The following ANKRD52 variants were observed in gnomAD, a reference collection of about 807,000 sequenced individuals.
ANKRD52 encodes ankyrin repeat domain 52, also known as serine/threonine-protein phosphatase 6 regulatory ankyrin repeat subunit C.
Under a neutral mutation model 116.0 loss-of-function variants are expected in ANKRD52, and 7 were observed. That is an observed-to-expected ratio of 0.06 (90% CI 0.03 to 0.11). ANKRD52 has a LOEUF of 0.11. Ranked by LOEUF, ANKRD52 falls within the 10% of genes least tolerant of loss-of-function variation. The probability of loss-of-function intolerance (pLI) is 1.00; values close to 1 mark genes in which losing one functional copy is unlikely to be tolerated. For missense variants in ANKRD52, 839 were observed against 1,408.6 expected, an observed-to-expected ratio of 0.60 and a Z score of 6.47; for synonymous variants, 528 against 578.1, an observed-to-expected ratio of 0.91 and a Z score of 1.24.
intron 1 of ANKRD52, 145 bp from the exon 2 acceptor site, chr12:56,258,056 G>T: frequency 1.5e-6 from 2 of 1,316,850 alleles, no homozygotes; most frequent in Non-Finnish European, 1.1e-6. Flanking sequence ...GCGAGCTCCC[G>T]CGGTGCCTCC....
In ANKRD52 at chr12:56,258,349, C is replaced by G. The variant is rs1592397605; in HGVS notation, c.-80G>C. 5 of 1,377,048 alleles carry G rather than the reference C, an allele frequency of 3.6e-6. No homozygotes were observed. The East Asian group carries it at 1.2e-4, about 34-fold the overall frequency. The allele number at this position is 1,377,048 out of a possible 1,614,324, so 85.3% of individuals were successfully genotyped here. A position where few individuals can be genotyped will look rare whatever the true frequency, so the allele number is the denominator to read the frequency against. On this transcript the variant is annotated 5_prime_UTR_variant, in exon 1 of 28. Coordinates refer to ENST00000267116, the MANE Select transcript of ANKRD52 (RefSeq NM_173595.4). ...CACCGGGGACACGGAGCGGCCCAGG[C>G]GGCGGCTGCGGTGGCGGCTGCAGGG...
chr12:56,245,706 G>GTAT, intron 20 of ANKRD52, 110 bp from the exon 21 acceptor site: 2 of 532,466 alleles, frequency 3.8e-6, no homozygotes, highest in Non-Finnish European at 6.1e-6. Flanking sequence ...TCCAATCCTT[G>GTAT]TCTTTTTTTT....
intron 20 of ANKRD52, 110 bp from the exon 21 acceptor site, chr12:56,245,706 GTCT>G (rs1871366053): frequency 2.4e-5 from 13 of 532,432 alleles, no homozygotes; most frequent in East Asian, 3.9e-5. Flanking sequence ...TCCAATCCTT[GTCT>G]TTTTTTTTTT....
In ANKRD52 at chr12:56,248,552, G is replaced by T; in HGVS notation, c.1719C>A (p.Ser573=). 1 of 1,593,522 alleles carries T rather than the reference G, an allele frequency of 6.3e-7. No homozygotes were observed. The highest frequency in any genetic ancestry group is 2.3e-5 in the East Asian group (1 of 44,082). ...RQNLELLLEM[S]FNCLEDVEST... is the part of the protein sequence containing the mutation. ...TCTCCACATCCTCCAGGCAGTTAAAGGACATTTCTAAGAGCTGCAAAGGAC... is the reference window on the plus strand; with the variant it reads ...TCTCCACATCCTCCAGGCAGTTAAATGACATTTCTAAGAGCTGCAAAGGAC... The change falls in exon 17 of 28, where the codon TCC becomes TCA. Residue 573 remains serine (S), a synonymous_variant. Coordinates refer to ENST00000267116, the MANE Select transcript of ANKRD52 (RefSeq NM_173595.4). This position sits in a 1 kb window ranked among gnomAD's most constrained non-coding sequence, Gnocchi z 5.1.
intron 15 of ANKRD52, among the ~76,000 whole-genome samples, chr12:56,249,114 C>A (rs1871563614): frequency 6.6e-6 from 1 of 152,238 alleles, no homozygotes; most frequent in African/African-American, 2.4e-5. Flanking sequence ...TCTGAATGCT[C>A]TCCTAGAGAA....
rs766955756 is a variant in ANKRD52 at position 56,253,694 on chromosome 12, G to A, written c.985+28C>T. On this transcript the variant is annotated intron_variant, in intron 9 of 27. Coordinates refer to ENST00000267116, the MANE Select transcript of ANKRD52 (RefSeq NM_173595.4). The surrounding 1 kb of genome is among the most constrained non-coding windows in gnomAD (Gnocchi z 5.5). ...TGAGTTCCTTGGGGGAGGAGGGGAT[G>A]AGAGCACAAAGTCTCCCAGGTCCAT... 2.5e-6 allele frequency: 4 copies of A among 1,606,686 alleles called. No homozygotes were observed. Among genetic ancestry groups the A allele is most frequent in the South Asian group, 2.2e-5 (2 of 90,690 alleles).
At position 56,255,062 on chromosome 12, in the gene ANKRD52, TC is replaced by T; in HGVS notation, c.463-111del. 9.1e-7 allele frequency: 1 copy of T among 1,104,658 alleles called. No individual in the cohort carries two copies. Among genetic ancestry groups the T allele is most frequent in the Non-Finnish European group, 1.3e-6 (1 of 751,732 alleles). 68.4% of individuals were successfully genotyped at this position (1,104,658 alleles called of 1,614,324 possible). A position where few individuals can be genotyped will look rare whatever the true frequency, so the allele number is the denominator to read the frequency against. On this transcript the variant is annotated intron_variant, in intron 5 of 27. Coordinates refer to ENST00000267116, the MANE Select transcript of ANKRD52 (RefSeq NM_173595.4). This position sits in a 1 kb window ranked among gnomAD's most constrained non-coding sequence, Gnocchi z 4.3. ...AGGCTGAGGCAGCCTAATGCCTTTT[TC>T]CATGAGCAAAACAACCTGGAGGACT...
chr12:56,245,624 G>A, intron 20 of ANKRD52, 28 bp from the exon 21 acceptor site: 1 of 1,591,722 alleles, frequency 6.3e-7, no homozygotes, highest in Non-Finnish European at 8.5e-7. Flanking sequence ...GTGTGAGGGG[G>A]ATGAAAAGCT....
chr12:56,249,969 G>A (rs981954405), intron 15 of ANKRD52, among the ~76,000 whole-genome samples: 7 of 152,090 alleles, frequency 4.6e-5, no homozygotes, highest in Non-Finnish European at 1.0e-4. Flanking sequence ...CCCAGGAGGT[G>A]GAGGTTGCAG....
rs1871246297 is a variant in ANKRD52, at chr12:56,243,247, G to A, written c.3126C>T (p.Ala1042=). Residue 1042 remains alanine (A), a synonymous_variant, in exon 28 of 28, where the codon GCC becomes GCT. Coordinates refer to ENST00000267116, the MANE Select transcript of ANKRD52 (RefSeq NM_173595.4). The surrounding 1 kb of genome is among the most constrained non-coding windows in gnomAD (Gnocchi z 4.6). ...CGCCGCAGCCACCCACCGTCTTGGC[G>A]GCTGCAATGCTGCAGTTCTTGAGCA... The part of the protein sequence containing the change: ...FSLLKNCSIA[A]AKTVGGCGAL... 8 of 1,613,876 alleles carry A rather than the reference G, an allele frequency of 5.0e-6. No individual in the cohort carries two copies. The highest frequency in any genetic ancestry group is 1.7e-4 in the Middle Eastern group (1 of 6,060).
chr12:56,249,132 C>T (rs756776861), intron 15 of ANKRD52, among the ~76,000 whole-genome samples: 5 of 152,216 alleles, frequency 3.3e-5, no homozygotes, highest in Non-Finnish European at 5.9e-5. Context: ...GAACCTAGAG[C>T]ATGATGTTCA....
At chr12:56,247,967 T>G in intron 18 of ANKRD52, 56 bp downstream of exon 18, 1 of 1,519,150 alleles carries the variant, frequency 6.6e-7, no homozygotes, top group South Asian at 1.2e-5. Context: ...CCCATTCCCA[T>G]CCAGGAGGGA....
intron 2 of ANKRD52, 111 bp from the exon 3 acceptor site, chr12:56,257,472 T>G (rs1169576276): frequency 1.0e-5 from 10 of 1,003,184 alleles, no homozygotes; most frequent in Non-Finnish European, 1.5e-5. Flanking sequence ...CTTCCCATAG[T>G]TTCTGCAGCG....
At position 56,244,596 on chromosome 12, in the gene ANKRD52, C is replaced by T; in HGVS notation, c.2722+56G>A. 1 of 1,608,874 alleles carries T rather than the reference C, an allele frequency of 6.2e-7. No homozygotes were observed. The highest frequency in any genetic ancestry group is 1.1e-5 in the South Asian group (1 of 90,802). ...GCCAGCCTCCACAGGCAGGGCTGAC[C>T]CATCCTGCAAATGCCCCAGGGGAGC... is the stretch of plus-strand genomic sequence containing the variant. On this transcript the variant is annotated intron_variant, in intron 24 of 27. Transcript: ENST00000267116. This position sits in a 1 kb window ranked among gnomAD's most constrained non-coding sequence, Gnocchi z 4.9.
Position 56,254,963 on chromosome 12 carries a change from A to G in ANKRD52, c.463-11T>C. 6.2e-7 allele frequency: 1 copy of G among 1,609,324 alleles called. No individual in the cohort carries two copies. Among genetic ancestry groups the G allele is most frequent in the Non-Finnish European group, 8.5e-7 (1 of 1,175,964 alleles). On this transcript the variant is annotated splice_polypyrimidine_tract_variant and intron_variant, in intron 5 of 27. Transcript: ENST00000267116. The surrounding 1 kb of genome is among the most constrained non-coding windows in gnomAD (Gnocchi z 4.6). ...GAGCAGGTTCACCGTCTGCATCAGG[A>G]TATGAAAGACACCTGTTCAGAGCTA... is the stretch of plus-strand genomic sequence containing the variant.
intron 15 of ANKRD52, among the ~76,000 whole-genome samples, chr12:56,251,555 A>G (rs1347377750): frequency 6.6e-6 from 1 of 152,080 alleles, no homozygotes. Context: ...CTCATCTTTT[A>G]TCCTTAGTAT....
In ANKRD52 at chr12:56,243,941, C is replaced by G; in HGVS notation, c.2889-65G>C. 6.3e-7 allele frequency: 1 copy of G among 1,598,426 alleles called. No homozygotes were observed. Among genetic ancestry groups the G allele is most frequent in the Non-Finnish European group, 8.5e-7 (1 of 1,170,250 alleles). ...GCCCTTCCACCTCCAGACAGGGTGG[C>G]AAGGGTGCTGAACAAATACAATGGG... On this transcript the variant is annotated intron_variant, in intron 26 of 27. Transcript: ENST00000267116. This position sits in a 1 kb window ranked among gnomAD's most constrained non-coding sequence, Gnocchi z 4.6.
At position 56,257,822 on chromosome 12, in the gene ANKRD52, A is replaced by G; in HGVS notation, c.111+6T>C. ...GGTCTCGCCATCCTCCCTGCTCCCA[A>G]CTCACCAGCACATTGATGTTCTCCT... On this transcript the variant is annotated splice_donor_region_variant and intron_variant, in intron 2 of 27. Transcript: ENST00000267116. The G allele has an allele frequency of 6.2e-7, 1 of 1,613,480 alleles. No homozygotes were observed. Among genetic ancestry groups the G allele is most frequent in the Non-Finnish European group, 8.5e-7 (1 of 1,179,706 alleles).
Position 56,247,725 on chromosome 12 carries a change from T to C in ANKRD52, c.2028A>G (p.Glu676=), listed in dbSNP as rs1871482719. The C allele has an allele frequency of 2.5e-6, 4 of 1,612,714 alleles. No homozygotes were observed. The highest frequency in any genetic ancestry group is 1.7e-5 in the Admixed American group (1 of 59,828). Residue 676 remains glutamate (E), a synonymous_variant, in exon 19 of 28, where the codon GAA becomes GAG. Coordinates refer to ENST00000267116, the MANE Select transcript of ANKRD52 (RefSeq NM_173595.4). ...CCATGACATCTGTGATGTCAGCTCG[T>C]TCCCCACTGTCGATCAGCAAGTGCA... The part of the protein sequence containing the change: ...DSLHLLIDSG[E]RADITDVMDA...
Sources: allele counts gnomAD v4.1 joint callset (sites outside exome capture counted in the v4.1 genomes callset), GRCh38; gene constraint gnomAD v4.1.1; non-coding constraint Gnocchi (gnomAD v3.1); transcripts MANE v1.5; gene names NCBI Gene and HGNC (gene_info 2026-07-23, HGNC 2026-07-21).